The following KCTD16 variants were observed in gnomAD, a reference collection of about 807,000 sequenced individuals.
KCTD16 encodes BTB/POZ domain-containing protein KCTD16.
In KCTD16, 13 loss-of-function variants were observed where a neutral mutation model predicts 33.2. That is an observed-to-expected ratio of 0.39 (90% CI 0.25 to 0.62). The LOEUF is 0.62. KCTD16 is among the 20% of genes least tolerant of loss of function. KCTD16 has a pLI of 0.50. For missense variants in KCTD16, 441 were observed against 525.1 expected (o/e 0.84, Z 1.57); for synonymous variants, 197 against 195.3 (o/e 1.01, Z -0.07).
At chr5:144,464,738 CTCCTCTTCCTCT>C (rs761370771) in intron 3 of KCTD16, among the ~76,000 whole-genome samples, 2 of 151,074 alleles carry the variant, frequency 1.3e-5, no homozygotes, top group East Asian at 2.0e-4. Context: ...ATTCCTCTTT[CTCCTCTTCCTCT>C]TCCTCTTCCT....
At chr5:144,272,058 A>G (rs1435206655) in intron 3 of KCTD16, among the ~76,000 whole-genome samples, 1 of 152,196 alleles carries the variant, frequency 6.6e-6, no homozygotes, top group East Asian at 1.9e-4. Context: ...ATTGGAAGAT[A>G]TAATATATTA....
In KCTD16 at chr5:144,482,221, T is replaced by G. The variant is rs1754717533; in HGVS notation, c.*8107T>G. ...ATCCTTCCTAAAAGTCATCAGTTTT[T>G]TTTGTTTGTTTGTGACTTGTATCTG... On this transcript the variant is annotated 3_prime_UTR_variant, in exon 4 of 4. Coordinates refer to ENST00000512467, the MANE Select transcript of KCTD16 (RefSeq NM_020768.4). 1 of 151,952 alleles carries G rather than the reference T, an allele frequency of 6.6e-6. No individual in the cohort carries two copies. Among genetic ancestry groups the G allele is most frequent in the East Asian group, 1.9e-4 (1 of 5,158 alleles). 9.4% of individuals were successfully genotyped at this position (151,952 alleles called of 1,614,324 possible).
chr5:144,333,473 G>A (rs941239633), intron 3 of KCTD16, among the ~76,000 whole-genome samples: 1 of 152,100 alleles, frequency 6.6e-6, no homozygotes, highest in African/African-American at 2.4e-5. Flanking sequence ...CCTTTATGTA[G>A]CCTGAGAGTG....
intron 3 of KCTD16, among the ~76,000 whole-genome samples, chr5:144,424,297 C>A (rs777230503): frequency 6.6e-5 from 10 of 152,174 alleles, no homozygotes; most frequent in Non-Finnish European, 1.5e-4. Flanking sequence ...TGTATATGGT[C>A]AGCCAGGATT....
intron 3 of KCTD16, among the ~76,000 whole-genome samples, chr5:144,278,749 G>A (rs1392242294): frequency 2.6e-5 from 4 of 151,694 alleles, no homozygotes; most frequent in Non-Finnish European, 5.9e-5. Flanking sequence ...CACCCGCCTC[G>A]GCCTCCCTAA....
At position 144,333,371 on chromosome 5, in the gene KCTD16, C is replaced by T. The variant is rs541279109; in HGVS notation, c.832+125825C>T. Among the ~76,000 whole-genome samples the T allele has an allele frequency of 7.2e-5, 11 of 152,256 alleles. No homozygotes were observed. The East Asian group carries it at 1.7e-3, about 24-fold the overall frequency. On this transcript the variant is annotated intron_variant, in intron 3 of 3. Transcript: ENST00000512467. Reference sequence around the variant, plus strand: ...TTGACAATGTGGCTGTTCTTCTGCTCTTCTCATTTGGCCCCTTGTATATCA... The same window carrying T: ...TTGACAATGTGGCTGTTCTTCTGCTTTTCTCATTTGGCCCCTTGTATATCA...
At chr5:144,454,177 T>C (rs1470747118) in intron 3 of KCTD16, among the ~76,000 whole-genome samples, 1 of 152,204 alleles carries the variant, frequency 6.6e-6, no homozygotes, top group African/African-American at 2.4e-5. Context: ...GTGCTATGTA[T>C]TATTTTGCTG....
chr5:144,360,253 C>A (rs1207254510), intron 3 of KCTD16, among the ~76,000 whole-genome samples: 3 of 152,112 alleles, frequency 2.0e-5, no homozygotes, highest in African/African-American at 7.2e-5. Context: ...CTCCCCTAGC[C>A]TCCTACCCCC....
rs567255752 is a variant in KCTD16 at position 144,346,739 on chromosome 5, A to G, written c.833-126921A>G. 5.3e-5 allele frequency among the ~76,000 whole-genome samples: 8 copies of G among 152,268 alleles called. No individual in the cohort carries two copies. In the East Asian group the frequency reaches 1.5e-3, roughly 29 times the overall value. ...CCCTATAGAGTTATTTGAGCTCCTTATACATTCTGGCTCTTAATCCCTTGT... is the reference window on the plus strand; with the variant it reads ...CCCTATAGAGTTATTTGAGCTCCTTGTACATTCTGGCTCTTAATCCCTTGT... On this transcript the variant is annotated intron_variant, in intron 3 of 3. Transcript: ENST00000512467.
chr5:144,275,456 G>A (rs1278367334), intron 3 of KCTD16, among the ~76,000 whole-genome samples: 1 of 152,116 alleles, frequency 6.6e-6, no homozygotes, highest in Non-Finnish European at 1.5e-5. Flanking sequence ...CTGCAATGCT[G>A]CCTTGCCCTA....
At chr5:144,439,816 T>G (rs553479021) in intron 3 of KCTD16, among the ~76,000 whole-genome samples, 1 of 152,284 alleles carries the variant, frequency 6.6e-6, no homozygotes, top group East Asian at 1.9e-4. Context: ...TTGCTGTTTT[T>G]GTTTTTTTCC....
intron 3 of KCTD16, among the ~76,000 whole-genome samples, chr5:144,251,438 A>G (rs1754698753): frequency 6.6e-6 from 1 of 152,230 alleles, no homozygotes; most frequent in South Asian, 2.1e-4. Flanking sequence ...TTAGTAGCTG[A>G]AAGCTTGGCA....
chr5:144,340,161 T>C (rs1437064951), intron 3 of KCTD16, among the ~76,000 whole-genome samples: 2 of 151,952 alleles, frequency 1.3e-5, no homozygotes, highest in Non-Finnish European at 2.9e-5. Flanking sequence ...ACGCCTGTAA[T>C]CCCAGCACTT....
At chr5:144,176,808 C>G (rs1400191634) in intron 2 of KCTD16, among the ~76,000 whole-genome samples, 2 of 152,170 alleles carry the variant, frequency 1.3e-5, no homozygotes, top group East Asian at 3.8e-4. Context: ...TTTAGGTTCT[C>G]TAGGCAGTAT....
intron 3 of KCTD16, among the ~76,000 whole-genome samples, chr5:144,416,048 G>C (rs1753046466): frequency 6.6e-6 from 1 of 152,106 alleles, no homozygotes; most frequent in Admixed American, 6.6e-5. Context: ...ATCATTCATT[G>C]ACCATATACT....
rs66821172 is a variant in KCTD16 at position 144,299,898 on chromosome 5, T to TAA, written c.832+92368_832+92369dup. Among the ~76,000 whole-genome samples the TAA allele has an allele frequency of 5.0e-3, 638 of 128,752 alleles. 6 individuals are homozygous for TAA. Among genetic ancestry groups the TAA allele is most frequent in the Middle Eastern group, 0.016 (4 of 246 alleles). The allele number at this position is 128,752 out of a possible 152,430, so 84.5% of individuals were successfully genotyped here. A position where few individuals can be genotyped will look rare whatever the true frequency, so the allele number is the denominator to read the frequency against. On this transcript the variant is annotated intron_variant, in intron 3 of 3. Transcript: ENST00000512467. The stretch of plus-strand genomic sequence containing the variant: ...GATTATCTGATTCACCAGAATCATT[T>TAA]AAAAAAAAAAAAAAAAACAAAAAAC...
intron 3 of KCTD16, among the ~76,000 whole-genome samples, chr5:144,453,570 G>C (rs1441998376): frequency 1.3e-5 from 2 of 151,882 alleles, no homozygotes; most frequent in Non-Finnish European, 2.9e-5. Context: ...TAATTACTAG[G>C]AACCTCAATT....
chr5:144,172,174 A>C (rs547231711), intron 1 of KCTD16, among the ~76,000 whole-genome samples: 2 of 135,462 alleles, frequency 1.5e-5, no homozygotes, highest in Admixed American at 1.4e-4. Flanking sequence ...TAGCAACAAC[A>C]AAAGGATGTA....
intron 3 of KCTD16, among the ~76,000 whole-genome samples, chr5:144,355,789 C>G (rs1751556819): frequency 6.6e-6 from 1 of 152,058 alleles, no homozygotes; most frequent in Non-Finnish European, 1.5e-5. Context: ...AGGAAGACAC[C>G]AGGCTGATTT....
Sources: allele counts gnomAD v4.1 joint callset (sites outside exome capture counted in the v4.1 genomes callset), GRCh38; gene constraint gnomAD v4.1.1; transcripts MANE v1.5; gene names NCBI Gene and HGNC (gene_info 2026-07-23, HGNC 2026-07-21).